The following OTOG variants were observed in gnomAD, a reference collection of about 807,000 sequenced individuals.
The protein encoded by OTOG is otogelin.
In OTOG, 296 loss-of-function variants were observed where a neutral mutation model predicts 313.8. The observed-to-expected ratio is 0.94, with a 90% CI of 0.86 to 1.04. The LOEUF (loss-of-function observed/expected upper bound fraction) is 1.04, where lower values mean the gene tolerates loss of function less well. Among genes scored for constraint, OTOG ranks in the 50% least tolerant of loss-of-function variants. The probability of loss-of-function intolerance (pLI) is 0.00; values close to 1 mark genes in which losing one functional copy is unlikely to be tolerated. For missense variants in OTOG, 3,948 were observed against 3,840.1 expected (o/e 1.03, Z -0.74); for synonymous variants, 1,533 against 1,554.9 (o/e 0.99, Z 0.33).
At position 17,629,265 on chromosome 11, in the gene OTOG, A is replaced by G; in HGVS notation, c.6661A>G (p.Met2221Val). The G allele has an allele frequency of 6.4e-7, 1 of 1,550,610 alleles. No homozygotes were observed. The highest frequency in any genetic ancestry group is 8.7e-7 in the Non-Finnish European group (1 of 1,146,994). ...QIQWLHSSGL[M>V]IVEASKTSKA... is the part of the protein sequence containing the mutation. ...CCAGTGGCTCCACAGCTCAGGACTC[A>G]TGATCGTGGAGGCCAGCAAAACCAG... is the stretch of plus-strand genomic sequence containing the variant. Residue 2221 changes from methionine to valine, a missense_variant, in exon 40 of 56, where the codon ATG becomes GTG. Coordinates refer to ENST00000399397, the MANE Select transcript of OTOG (RefSeq NM_001292063.2).
At chr11:17,574,020 C>A (rs867903052) in intron 19 of OTOG, among the ~76,000 whole-genome samples, 21 of 152,302 alleles carry the variant, frequency 1.4e-4, no homozygotes, top group South Asian at 8.3e-4. Flanking sequence ...TGGGCCACAT[C>A]GAGTATCAAC....
chr11:17,597,023 A>T lies in OTOG; in HGVS notation c.3682+16A>T. 6.5e-7 allele frequency: 1 copy of T among 1,549,294 alleles called. No individual in the cohort carries two copies. Among genetic ancestry groups the T allele is most frequent in the Middle Eastern group, 1.8e-4 (1 of 5,488 alleles). ...CGCCTCTGCCGTGAGTGTCCCAGAC[A>T]ATCACCTGAGGGGACAGAGTAGAGT... On this transcript the variant is annotated intron_variant, in intron 30 of 55. Coordinates refer to ENST00000399397, the MANE Select transcript of OTOG (RefSeq NM_001292063.2).
At chr11:17,558,938 C>G (rs956942687) in intron 10 of OTOG, 114 bp from the exon 11 acceptor site, 2 of 893,960 alleles carry the variant, frequency 2.2e-6, no homozygotes, top group Admixed American at 4.0e-5. Flanking sequence ...GCAGCCTTTC[C>G]CAGCTGGGTG....
rs1355481259 is a variant in OTOG at position 17,602,257 on chromosome 11, G to T, written c.3757G>T (p.Ala1253Ser). Reference protein sequence around the residue: ...YQLSSLAAGGALVGMKAVGDD... With the variant: ...YQLSSLAAGGSLVGMKAVGDD... Reference sequence around the variant, plus strand: ...GCTATCCAGCTTGGCAGCCGGTGGTGCTCTGGTGGGCATGAAGGCGGTGGG... The same window carrying T: ...GCTATCCAGCTTGGCAGCCGGTGGTTCTCTGGTGGGCATGAAGGCGGTGGG... The change falls in exon 32 of 56, where the codon GCT (alanine) becomes TCT (serine). Residue 1253 changes from alanine (A) to serine (S), a missense_variant. Ala to Ser is a moderately conservative substitution (Grantham distance 99). Coordinates refer to ENST00000399397, the MANE Select transcript of OTOG (RefSeq NM_001292063.2). 30 of 1,550,574 alleles carry T rather than the reference G, an allele frequency of 1.9e-5. No individual in the cohort carries two copies. The highest frequency in any genetic ancestry group is 2.6e-5 in the Non-Finnish European group (30 of 1,146,972).
chr11:17,643,616 T>G (rs1848017571), intron 54 of OTOG, 110 bp downstream of exon 54: 1 of 745,860 alleles, frequency 1.3e-6, no homozygotes, highest in African/African-American at 1.8e-5. Context: ...AAATGATAGC[T>G]CTTCTGGGCT....
chr11:17,573,394 C>T, intron 19 of OTOG, 104 bp downstream of exon 19: 2 of 1,234,520 alleles, frequency 1.6e-6, no homozygotes, highest in Non-Finnish European at 2.2e-6. Context: ...CCAGTCTCCT[C>T]CAGCCTGACT....
intron 25 of OTOG, among the ~76,000 whole-genome samples, chr11:17,592,524 G>T (rs1252614969): frequency 6.6e-6 from 1 of 152,018 alleles, no homozygotes; most frequent in South Asian, 2.1e-4. Flanking sequence ...AATCCTGCAA[G>T]AACTTTTTTC....
At chr11:17,583,309 A>G (rs1055595661) in intron 23 of OTOG, among the ~76,000 whole-genome samples, 22 of 151,922 alleles carry the variant, frequency 1.4e-4, no homozygotes, top group Admixed American at 3.9e-4. Flanking sequence ...AAATTTTTTA[A>G]ATTTTTTGTA....
At chr11:17,639,973 G>T (rs1046973174) in intron 49 of OTOG, among the ~76,000 whole-genome samples, 2 of 150,736 alleles carry the variant, frequency 1.3e-5, no homozygotes, top group African/African-American at 2.5e-5. Flanking sequence ...GACAGTGAGG[G>T]TGATGGTGAT....
chr11:17,615,345 T>G lies in OTOG; in HGVS notation c.6528+1644T>G, dbSNP rs545402023. 3.3e-5 allele frequency among the ~76,000 whole-genome samples: 5 copies of G among 152,336 alleles called. No individual in the cohort carries two copies. The East Asian group carries it at 7.7e-4, about 23-fold the overall frequency. On this transcript the variant is annotated intron_variant, in intron 39 of 55. Transcript: ENST00000399397. ...GTGTCTTTCGAAAGACAGAAGTTTT[T>G]TTATTTTGATGGTGTCCAGTTTATC...
intron 26 of OTOG, 31 bp from the exon 27 acceptor site, chr11:17,593,579 G>A (rs781586694): frequency 1.3e-6 from 2 of 1,544,120 alleles, no homozygotes; most frequent in Admixed American, 2.0e-5. Flanking sequence ...GGGGCACTTG[G>A]GCTCAGGACT....
At chr11:17,642,439 C>T (rs1847996417) in intron 53 of OTOG, among the ~76,000 whole-genome samples, 193 bp downstream of exon 53, 1 of 152,250 alleles carries the variant, frequency 6.6e-6, no homozygotes, top group Non-Finnish European at 1.5e-5. Flanking sequence ...TGCCTCTTCA[C>T]ACATCACATG....
chr11:17,560,714 A>T lies in OTOG; in HGVS notation c.1348A>T (p.Ile450Phe). Residue 450 changes from isoleucine to phenylalanine, a missense_variant, in exon 13 of 56, where the codon ATC becomes TTC. Coordinates refer to ENST00000399397, the MANE Select transcript of OTOG (RefSeq NM_001292063.2). ...VDGCYCPNGL[I>F]FEDGGCVAPA... is the part of the protein sequence containing the mutation. ...GCCCTTTGCTGTCACTCTAGGGCTCATCTTCGAGGATGGGGGCTGCGTGGC... is the reference window on the plus strand; with the variant it reads ...GCCCTTTGCTGTCACTCTAGGGCTCTTCTTCGAGGATGGGGGCTGCGTGGC... 6.5e-7 allele frequency: 1 copy of T among 1,550,360 alleles called. No individual in the cohort carries two copies. The highest frequency in any genetic ancestry group is 1.2e-5 in the South Asian group (1 of 84,060).
At chr11:17,556,029 G>A in intron 7 of OTOG, 132 bp downstream of exon 7, 1 of 692,518 alleles carries the variant, frequency 1.4e-6, no homozygotes. Flanking sequence ...CACTATCTGG[G>A]CGGAAGCATA....
chr11:17,602,346 G>A lies in OTOG; in HGVS notation c.3846G>A (p.Leu1282=). The A allele has an allele frequency of 1.9e-6, 3 of 1,550,550 alleles. No individual in the cohort carries two copies. Among genetic ancestry groups the A allele is most frequent in the Non-Finnish European group, 1.7e-6 (2 of 1,146,964 alleles). ...CAGCAGACATTGTGAGCTTCCTGCT[G>A]ACAGCTGCTCTGTACAAGGCCAAGG... ...VAPADIVSFL[L]TAALYKAKAH... Residue 1282 remains leucine, a synonymous_variant, in exon 32 of 56, where the codon CTG becomes CTA. Coordinates refer to ENST00000399397, the MANE Select transcript of OTOG (RefSeq NM_001292063.2).
intron 39 of OTOG, among the ~76,000 whole-genome samples, chr11:17,617,903 T>A (rs1419652052): frequency 6.6e-6 from 1 of 151,398 alleles, no homozygotes; most frequent in East Asian, 1.9e-4. Flanking sequence ...ATTTGAGAAC[T>A]TTCTTCTTCT....
chr11:17,559,622 C>T lies in OTOG; in HGVS notation c.1302C>T (p.Asp434=), dbSNP rs547407665. ...GCCATCCCCGGGCATCCTGTGTGGA[C>T]AGTGAGATCGCCTGTGTGGACGGCT... ...ASCHPRASCV[D]SEIACVDGCY... The change falls in exon 12 of 56, where the codon GAC becomes GAT. Residue 434 remains aspartate (D), a synonymous_variant. Coordinates refer to ENST00000399397, the MANE Select transcript of OTOG (RefSeq NM_001292063.2). 2 of 1,550,796 alleles carry T rather than the reference C, an allele frequency of 1.3e-6. No individual in the cohort carries two copies. The highest frequency in any genetic ancestry group is 4.9e-5 in the East Asian group (2 of 40,936).
At chr11:17,547,900 T>G in intron 1 of OTOG, 27 bp from the exon 2 acceptor site, 1 of 449,120 alleles carries the variant, frequency 2.2e-6, no homozygotes. Context: ...AAGCACAATT[T>G]GAGTGGAGAA....
intron 49 of OTOG, among the ~76,000 whole-genome samples, chr11:17,640,340 C>A (rs1196323359): frequency 6.6e-6 from 1 of 152,164 alleles, no homozygotes; most frequent in Admixed American, 6.5e-5. Context: ...GGCTGCATGG[C>A]CACTGAGGGA....
Sources: gnomAD v4.1 joint callset for allele counts (sites outside exome capture counted in the v4.1 genomes callset) on GRCh38, gnomAD v4.1.1 for gene constraint, MANE v1.5 for transcripts, NCBI Gene and HGNC (gene_info 2026-07-23, HGNC 2026-07-21) for gene names.